The following PUS7 variants were observed in gnomAD, a reference collection of about 807,000 sequenced individuals.
The protein encoded by PUS7 is pseudouridylate synthase 7 homolog.
Under a neutral mutation model 79.8 loss-of-function variants are expected in PUS7, and 48 were observed. That is an observed-to-expected ratio of 0.60 (90% CI 0.48 to 0.76). The LOEUF is 0.76. PUS7 is among the 30% of genes least tolerant of loss of function. The pLI is 0.00. For missense variants in PUS7, 729 were observed against 797.6 expected, an observed-to-expected ratio of 0.91 and a Z score of 1.04; for synonymous variants, 286 against 272.2, an observed-to-expected ratio of 1.05 and a Z score of -0.50.
At chr7:105,483,926 G>C (rs1167585134) in intron 7 of PUS7, among the ~76,000 whole-genome samples, 1 of 152,148 alleles carries the variant, frequency 6.6e-6, no homozygotes, top group African/African-American at 2.4e-5. Context: ...GAAGAATCCA[G>C]GCCAGCGCTT....
chr7:105,460,681 C>T (rs1005330030), intron 14 of PUS7, among the ~76,000 whole-genome samples: 1 of 151,068 alleles, frequency 6.6e-6, no homozygotes, highest in African/African-American at 2.4e-5. Context: ...GGTGAAACCC[C>T]GTCTCTACTA....
intron 7 of PUS7, among the ~76,000 whole-genome samples, chr7:105,484,718 T>C (rs543643566): frequency 6.6e-6 from 1 of 150,384 alleles, no homozygotes; most frequent in East Asian, 2.0e-4. Context: ...ACTTGGGGGC[T>C]GAGGCAGGAG....
chr7:105,472,510 C>T (rs1434047662), intron 9 of PUS7, among the ~76,000 whole-genome samples: 1 of 152,108 alleles, frequency 6.6e-6, no homozygotes, highest in East Asian at 1.9e-4. Flanking sequence ...GTTGGGATTA[C>T]AGGTATTAGC....
intron 9 of PUS7, among the ~76,000 whole-genome samples, chr7:105,479,342 T>G (rs1032760988): frequency 6.6e-6 from 1 of 152,058 alleles, no homozygotes; most frequent in Admixed American, 6.5e-5. Flanking sequence ...GCTGAAACAA[T>G]GGACTGGAAG....
chr7:105,486,316 G>A (rs1038298109), intron 7 of PUS7, among the ~76,000 whole-genome samples: 1 of 152,282 alleles, frequency 6.6e-6, no homozygotes, highest in Middle Eastern at 3.4e-3. Flanking sequence ...GCCTCCCAAA[G>A]TGCTGGGATT....
rs73190135 is a variant in PUS7 at position 105,507,986 on chromosome 7, A to G, written c.398+129T>C. On this transcript the variant is annotated intron_variant, in intron 2 of 15. Transcript: ENST00000469408. ...TATTCAGGCAGGTTTCCTTCATCCT[A>G]TTCCTTTTGATCAGTAGTATAAACA... 5,045 of 1,243,812 alleles carry G rather than the reference A, an allele frequency of 4.1e-3. 26 individuals are homozygous for G. Among genetic ancestry groups the G allele is most frequent in the Non-Finnish European group, 4.7e-3 (4,406 of 940,904 alleles). The allele number at this position is 1,243,812 out of a possible 1,614,324, so 77.0% of individuals were successfully genotyped here.
rs561260350 is a variant in PUS7 at position 105,514,124 on chromosome 7, G to A, written c.-32-5580C>T. On this transcript the variant is annotated intron_variant, in intron 1 of 15. Coordinates refer to ENST00000469408, the MANE Select transcript of PUS7 (RefSeq NM_019042.5). ...CAGGTGCCTGTAGTCCCAGCTACTC[G>A]GGAGGCTGAGGCAGGAGAATGGCGT... is the stretch of plus-strand genomic sequence containing the variant. Among the ~76,000 whole-genome samples, 810 of 134,848 alleles carry A rather than the reference G, an allele frequency of 6.0e-3. 10 individuals carry two copies. The highest frequency in any genetic ancestry group is 0.02 in the African/African-American group (724 of 36,910). 88.5% of individuals were successfully genotyped at this position (134,848 alleles called of 152,430 possible).
At chr7:105,506,633 G>A (rs867939263) in intron 2 of PUS7, among the ~76,000 whole-genome samples, 1 of 152,034 alleles carries the variant, frequency 6.6e-6, no homozygotes, top group African/African-American at 2.4e-5. Flanking sequence ...ATTTTGGCCA[G>A]GCTGATCTTG....
chr7:105,466,678 CT>C (rs1410141382), intron 12 of PUS7, among the ~76,000 whole-genome samples: 1 of 151,324 alleles, frequency 6.6e-6, no homozygotes, highest in Non-Finnish European at 1.5e-5. Context: ...CAAGAAAACA[CT>C]TTGAAAAGCC....
chr7:105,502,348 G>A, intron 5 of PUS7, 72 bp downstream of exon 5: 1 of 1,568,796 alleles, frequency 6.4e-7, no homozygotes, highest in Middle Eastern at 1.7e-4. Context: ...ACACGAACGG[G>A]CAAGGCTAAC....
At chr7:105,463,563 C>G (rs1308659647) in intron 13 of PUS7, among the ~76,000 whole-genome samples, 1 of 152,032 alleles carries the variant, frequency 6.6e-6, no homozygotes, top group East Asian at 1.9e-4. Flanking sequence ...TACTATCAAA[C>G]TGGGCCTTTT....
At chr7:105,505,383 G>A (rs183233813) in intron 4 of PUS7, among the ~76,000 whole-genome samples, 8 of 152,172 alleles carry the variant, frequency 5.3e-5, no homozygotes, top group African/African-American at 7.2e-5. Context: ...ATTGACCCAC[G>A]ATGAGCAAAT....
At chr7:105,492,647 A>G (rs982553323) in intron 6 of PUS7, among the ~76,000 whole-genome samples, 4 of 149,896 alleles carry the variant, frequency 2.7e-5, no homozygotes, top group African/African-American at 9.8e-5. Context: ...CTGGGACTAC[A>G]GGCGCCCGCC....
At chr7:105,521,314 C>T (rs934586507) in intron 1 of PUS7, among the ~76,000 whole-genome samples, 6 of 152,146 alleles carry the variant, frequency 3.9e-5, no homozygotes, top group South Asian at 2.1e-4. Flanking sequence ...ATTTTAAAAA[C>T]TAAACTCTTT....
At chr7:105,496,184 T>TACAC (rs67218522) in intron 5 of PUS7, among the ~76,000 whole-genome samples, 5 of 68,526 alleles carry the variant, frequency 7.3e-5, no homozygotes, top group Admixed American at 2.2e-4. Context: ...TATGCATATC[T>TACAC]ACACACACAC....
chr7:105,495,367 A>C (rs1420659527), intron 5 of PUS7, 114 bp from the exon 6 acceptor site: 3 of 649,546 alleles, frequency 4.6e-6, no homozygotes, highest in Admixed American at 5.2e-5. Context: ...CTGATAAAGA[A>C]ATACAGGTTA....
In PUS7 at chr7:105,502,402, C is replaced by T; in HGVS notation, c.730+18G>A. The T allele has an allele frequency of 6.2e-7, 1 of 1,613,346 alleles. No homozygotes were observed. Among genetic ancestry groups the T allele is most frequent in the Non-Finnish European group, 8.5e-7 (1 of 1,179,628 alleles). The stretch of plus-strand genomic sequence containing the variant: ...CTCACGGCTGCCTGGCAGGAGGAAG[C>T]TGCTCACAGACACCTACTTGCCAAA... On this transcript the variant is annotated intron_variant, in intron 5 of 15. Coordinates refer to ENST00000469408, the MANE Select transcript of PUS7 (RefSeq NM_019042.5).
At chr7:105,465,216 G>C (rs1405405987) in intron 13 of PUS7, 97 bp downstream of exon 13, 2 of 730,674 alleles carry the variant, frequency 2.7e-6, no homozygotes, top group African/African-American at 1.8e-5. Flanking sequence ...CCCTTTCTGG[G>C]AGACTGTCAT....
At chr7:105,514,674 T>C (rs922429564) in intron 1 of PUS7, among the ~76,000 whole-genome samples, 1 of 152,200 alleles carries the variant, frequency 6.6e-6, no homozygotes, top group African/African-American at 2.4e-5. Flanking sequence ...AAAACACTTT[T>C]TAAGCCTTGA....
Sources: allele counts gnomAD v4.1 joint callset (sites outside exome capture counted in the v4.1 genomes callset), GRCh38; gene constraint gnomAD v4.1.1; transcripts MANE v1.5; gene names NCBI Gene and HGNC (gene_info 2026-07-23, HGNC 2026-07-21).